ALCAM: variants seen among roughly 807,000 people sequenced by gnomAD.
ALCAM encodes CD166 antigen.
ALCAM carries 30 observed loss-of-function variants against 70.9 expected under a neutral mutation model. The ratio of observed to expected loss-of-function variants is 0.42; its 90% CI spans 0.32 to 0.57. ALCAM has a LOEUF of 0.57. Ranked by LOEUF, ALCAM falls within the 20% of genes least tolerant of loss-of-function variation. The pLI, the probability that ALCAM is intolerant of heterozygous loss-of-function variation, is 0.11. For missense variants in ALCAM, 591 were observed against 695.1 expected (o/e 0.85, Z 1.68); for synonymous variants, 249 against 242.5 (o/e 1.03, Z -0.25).
In ALCAM at chr3:105,367,148, G is replaced by T. The variant is rs954848837; in HGVS notation, c.-261G>T. The T allele has an allele frequency of 2.0e-6, 1 of 507,644 alleles. No homozygotes were observed. Among genetic ancestry groups the T allele is most frequent in the Non-Finnish European group, 3.6e-6 (1 of 278,732 alleles). The allele number at this position is 507,644 out of a possible 1,614,324, so 31.4% of individuals were successfully genotyped here. A position where few individuals can be genotyped will look rare whatever the true frequency, so the allele number is the denominator to read the frequency against. On this transcript the variant is annotated 5_prime_UTR_variant, in exon 1 of 16. Transcript: ENST00000306107. ...AAGTGTCTCCTGGAAACAGAGGGTC[G>T]TTGTCCCCGGAGGAGCAGCCGAAGG...
At chr3:105,560,382 A>T (rs1016821994) in intron 14 of ALCAM, among the ~76,000 whole-genome samples, 1 of 151,972 alleles carries the variant, frequency 6.6e-6, no homozygotes, top group Admixed American at 6.6e-5. Flanking sequence ...TTTTATTGGT[A>T]TTTGTCTTTC....
intron 3 of ALCAM, among the ~76,000 whole-genome samples, chr3:105,525,776 A>G (rs1939690050): frequency 6.6e-6 from 1 of 152,226 alleles, no homozygotes. Flanking sequence ...GAACCTTGTA[A>G]GAGCATATTA....
intron 1 of ALCAM, among the ~76,000 whole-genome samples, chr3:105,514,226 A>G (rs1488358544): frequency 6.6e-6 from 1 of 151,884 alleles, no homozygotes; most frequent in Non-Finnish European, 1.5e-5. Context: ...CACACCTAAA[A>G]CTTGCCCTGT....
intron 1 of ALCAM, among the ~76,000 whole-genome samples, chr3:105,479,845 A>C (rs951762519): frequency 3.3e-5 from 5 of 152,148 alleles, no homozygotes; most frequent in African/African-American, 1.2e-4. Context: ...CCAATTACAC[A>C]TACTGTTTAT....
At chr3:105,519,538 A>T (rs1233365659) in intron 1 of ALCAM, among the ~76,000 whole-genome samples, 1 of 152,098 alleles carries the variant, frequency 6.6e-6, no homozygotes, top group Non-Finnish European at 1.5e-5. Context: ...CCCCTTATAA[A>T]TAAAATTCAG....
chr3:105,531,429 G>T (rs1939836991), intron 3 of ALCAM: 1 of 152,062 alleles, frequency 6.6e-6, no homozygotes, highest in South Asian at 2.1e-4. Flanking sequence ...TCCTTAACTT[G>T]CTTTCTATTT....
chr3:105,506,768 A>G (rs1037679682), intron 1 of ALCAM, among the ~76,000 whole-genome samples: 1 of 152,240 alleles, frequency 6.6e-6, no homozygotes, highest in Non-Finnish European at 1.5e-5. Context: ...TTAAAATGGA[A>G]AGATGAACCA....
At chr3:105,505,762 A>G (rs1200470141) in intron 1 of ALCAM, among the ~76,000 whole-genome samples, 1 of 152,244 alleles carries the variant, frequency 6.6e-6, no homozygotes, top group Non-Finnish European at 1.5e-5. Flanking sequence ...TCAGATGTTT[A>G]GCATATATCT....
At chr3:105,410,336 G>A (rs1005922498) in intron 1 of ALCAM, among the ~76,000 whole-genome samples, 4 of 152,030 alleles carry the variant, frequency 2.6e-5, no homozygotes, top group South Asian at 2.1e-4. Context: ...AGGAAAAAAG[G>A]TAGTGTCTAC....
intron 1 of ALCAM, among the ~76,000 whole-genome samples, chr3:105,440,154 A>G (rs1442509355): frequency 6.6e-6 from 1 of 152,142 alleles, no homozygotes; most frequent in Admixed American, 6.5e-5. Context: ...CCAGGAAAAA[A>G]CCAAGTCATA....
intron 1 of ALCAM, among the ~76,000 whole-genome samples, chr3:105,420,101 T>G (rs887099335): frequency 1.3e-5 from 2 of 151,744 alleles, no homozygotes; most frequent in East Asian, 3.9e-4. Flanking sequence ...GTCAAAAAAA[T>G]AGCAAATATA....
intron 14 of ALCAM, among the ~76,000 whole-genome samples, chr3:105,566,339 C>A (rs994147707): frequency 6.6e-6 from 1 of 152,128 alleles, no homozygotes; most frequent in East Asian, 1.9e-4. Flanking sequence ...TTATTTATTT[C>A]TCCCTTCAGT....
intron 3 of ALCAM, chr3:105,525,131 A>G (rs1004997581): frequency 5.1e-6 from 5 of 982,132 alleles, no homozygotes; most frequent in Non-Finnish European, 6.0e-6. Context: ...AAAAGTATTC[A>G]CTTGCTTTAG....
At chr3:105,421,795 A>G (rs1040909053) in intron 1 of ALCAM, among the ~76,000 whole-genome samples, 1 of 151,484 alleles carries the variant, frequency 6.6e-6, no homozygotes, top group Non-Finnish European at 1.5e-5. Flanking sequence ...GTGTTGAACA[A>G]TTTTAGCCTC....
intron 1 of ALCAM, among the ~76,000 whole-genome samples, chr3:105,505,048 A>G (rs1939034253): frequency 6.6e-6 from 1 of 152,218 alleles, no homozygotes; most frequent in South Asian, 2.1e-4. Flanking sequence ...ATTCATCCTT[A>G]CCAGGTCTGA....
At chr3:105,382,540 G>A (rs1367154293) in intron 1 of ALCAM, among the ~76,000 whole-genome samples, 2 of 151,978 alleles carry the variant, frequency 1.3e-5, no homozygotes, top group African/African-American at 2.4e-5. Flanking sequence ...GGTTGAACTA[G>A]TTTACAGTCC....
chr3:105,559,455 G>C (rs1940588314), intron 14 of ALCAM, among the ~76,000 whole-genome samples: 1 of 151,816 alleles, frequency 6.6e-6, no homozygotes, highest in African/African-American at 2.4e-5. Flanking sequence ...GTCTGGTAAG[G>C]ACCCACTTTC....
At chr3:105,421,386 A>G (rs1331364200) in intron 1 of ALCAM, among the ~76,000 whole-genome samples, 1 of 151,554 alleles carries the variant, frequency 6.6e-6, no homozygotes, top group Admixed American at 6.6e-5. Context: ...TGAACGTAAC[A>G]CTGATAATAC....
At chr3:105,548,954 G>T (rs1305509374) in intron 11 of ALCAM, among the ~76,000 whole-genome samples, 1 of 151,364 alleles carries the variant, frequency 6.6e-6, no homozygotes, top group Non-Finnish European at 1.5e-5. Context: ...AGAAACATAA[G>T]CAGACAGTAA....
Sources: allele counts gnomAD v4.1 joint callset (sites outside exome capture counted in the v4.1 genomes callset), GRCh38; gene constraint gnomAD v4.1.1; transcripts MANE v1.5; gene names NCBI Gene and HGNC (gene_info 2026-07-23, HGNC 2026-07-21).